Variants in GDAP1L1 observed in about 807,000 individuals in gnomAD.
GDAP1L1 encodes ganglioside induced differentiation associated protein 1 like 1, also known as ganglioside-induced differentiation-associated protein 1-like 1.
GDAP1L1 carries 21 observed loss-of-function variants against 37.1 expected under a neutral mutation model. That is an observed-to-expected ratio of 0.57 (90% CI 0.40 to 0.81). The LOEUF is 0.81. GDAP1L1 is among the 40% of genes least tolerant of loss of function. The pLI is 0.00. For missense variants in GDAP1L1, 362 were observed against 491.6 expected (o/e 0.74, Z 2.49); for synonymous variants, 193 against 209.1 (o/e 0.92, Z 0.67).
intron 1 of GDAP1L1, 57 bp from the exon 2 acceptor site, chr20:44,257,096 G>A: frequency 6.7e-7 from 1 of 1,491,564 alleles, no homozygotes; most frequent in Non-Finnish European, 8.9e-7. Flanking sequence ...CGCCCCACCT[G>A]GGCAGAGTGT....
At chr20:44,264,614 C>T (rs1351943124) in intron 5 of GDAP1L1, 55 bp downstream of exon 5, 1 of 1,583,534 alleles carries the variant, frequency 6.3e-7, no homozygotes, top group Admixed American at 1.8e-5. Flanking sequence ...CCTACTCTTC[C>T]CCTGCCCAGT....
At chr20:44,260,058 T>C (rs1042871760) in intron 3 of GDAP1L1, among the ~76,000 whole-genome samples, 1 of 152,166 alleles carries the variant, frequency 6.6e-6, no homozygotes, top group Non-Finnish European at 1.5e-5. Flanking sequence ...ACCCTGCAGT[T>C]ACACTTGAAC....
At chr20:44,278,695 TA>T (rs1600573290) in intron 5 of GDAP1L1, among the ~76,000 whole-genome samples, 1 of 151,932 alleles carries the variant, frequency 6.6e-6, no homozygotes, top group Non-Finnish European at 1.5e-5. Context: ...ATTTGCACTT[TA>T]AAAGTCAGCT....
At chr20:44,258,126 G>A (rs1180533397) in intron 2 of GDAP1L1, 3 of 716,666 alleles carry the variant, frequency 4.2e-6, no homozygotes, top group African/African-American at 3.5e-5. Context: ...TAAAAGTCAA[G>A]GGGACCCAAG....
At chr20:44,267,358 C>G (rs920895649) in intron 5 of GDAP1L1, among the ~76,000 whole-genome samples, 3 of 152,160 alleles carry the variant, frequency 2.0e-5, no homozygotes, top group African/African-American at 4.8e-5. Context: ...GCCTGTAACC[C>G]CAACACTTTG....
rs368711590 is a variant in GDAP1L1, at chr20:44,276,859, T to A, written c.761-2098T>A. On this transcript the variant is annotated intron_variant, in intron 5 of 5. Transcript: ENST00000342560. Reference sequence around the variant, plus strand: ...GTAGATGGTGCAATGTGGCGCTGTGTTCTATGGAGGAAAACAAAGCAGGAG... The same window carrying A: ...GTAGATGGTGCAATGTGGCGCTGTGATCTATGGAGGAAAACAAAGCAGGAG... Among the ~76,000 whole-genome samples the A allele has an allele frequency of 7.2e-5, 11 of 152,252 alleles. No homozygotes were observed. The East Asian group carries it at 1.9e-3, about 27-fold the overall frequency.
At chr20:44,276,598 T>A (rs1015919683) in intron 5 of GDAP1L1, among the ~76,000 whole-genome samples, 2 of 152,220 alleles carry the variant, frequency 1.3e-5, no homozygotes, top group African/African-American at 4.8e-5. Flanking sequence ...TTGTTATGTT[T>A]ACTTTTACCA....
chr20:44,272,656 G>A (rs2062531316), intron 5 of GDAP1L1, among the ~76,000 whole-genome samples: 1 of 152,104 alleles, frequency 6.6e-6, no homozygotes, highest in Admixed American at 6.6e-5. Flanking sequence ...TAGAGGAGAA[G>A]AGAGGAGAAC....
chr20:44,258,977 A>G (rs1272839198), intron 3 of GDAP1L1, among the ~76,000 whole-genome samples: 1 of 143,084 alleles, frequency 7.0e-6, no homozygotes, highest in Non-Finnish European at 1.5e-5. Context: ...CCCCCCCCAT[A>G]CACAGACTAT....
chr20:44,275,976 T>C (rs1445709917), intron 5 of GDAP1L1, among the ~76,000 whole-genome samples: 2 of 152,164 alleles, frequency 1.3e-5, no homozygotes, highest in Admixed American at 6.5e-5. Flanking sequence ...ATTAGTAAGA[T>C]GTTAGTGCTT....
At chr20:44,278,127 C>T (rs191994453) in intron 5 of GDAP1L1, among the ~76,000 whole-genome samples, 34 of 144,068 alleles carry the variant, frequency 2.4e-4, no homozygotes, top group African/African-American at 8.6e-4. Context: ...GCACTCCAGC[C>T]TGGGCAACAG....
intron 3 of GDAP1L1, among the ~76,000 whole-genome samples, chr20:44,261,680 G>A (rs1375319007): frequency 6.6e-6 from 1 of 152,206 alleles, no homozygotes; most frequent in East Asian, 1.9e-4. Context: ...AAGCCCAGGA[G>A]GGCTCTTTTC....
At position 44,264,442 on chromosome 20, in the gene GDAP1L1, C is replaced by G; in HGVS notation, c.646-3C>G. 12 of 1,488,798 alleles carry G rather than the reference C, an allele frequency of 8.1e-6. No individual in the cohort carries two copies. Among genetic ancestry groups the G allele is most frequent in the Non-Finnish European group, 9.8e-6 (11 of 1,119,596 alleles). 92.2% of individuals were successfully genotyped at this position (1,488,798 alleles called of 1,614,324 possible). On this transcript the variant is annotated splice_region_variant and splice_polypyrimidine_tract_variant and intron_variant, in intron 4 of 5. Transcript: ENST00000342560. ...GCTTCTCTTGGCCCTGTCCTGCCCC[C>G]AGGCCAAGATCTTGGAGCATGATGA... is the stretch of plus-strand genomic sequence containing the variant.
chr20:44,279,476 A>G lies in GDAP1L1; in HGVS notation c.*176A>G, dbSNP rs995111517. ...CGTAGTTTAGAAGTAGACGTTGCCA[A>G]TGCTGTGACTCAAGGCCACGGCTCT... On this transcript the variant is annotated 3_prime_UTR_variant, in exon 6 of 6. Transcript: ENST00000342560. 4.2e-6 allele frequency: 3 copies of G among 711,270 alleles called. No individual in the cohort carries two copies. Among genetic ancestry groups the G allele is most frequent in the Admixed American group, 2.0e-5 (1 of 49,620 alleles). The allele number at this position is 711,270 out of a possible 1,614,324, so 44.1% of individuals were successfully genotyped here. A position where few individuals can be genotyped will look rare whatever the true frequency, so the allele number is the denominator to read the frequency against.
chr20:44,264,794 T>C, intron 5 of GDAP1L1: 1 of 1,157,858 alleles, frequency 8.6e-7, no homozygotes, highest in Non-Finnish European at 1.1e-6. Flanking sequence ...AAAATGGGGA[T>C]AATAGTAGGA....
chr20:44,270,380 C>T (rs369401869), intron 5 of GDAP1L1, among the ~76,000 whole-genome samples: 10 of 151,968 alleles, frequency 6.6e-5, no homozygotes, highest in East Asian at 1.9e-4. Context: ...CCGTTTTAGC[C>T]GGGATGGTCT....
rs2062632321 is a variant in GDAP1L1, at chr20:44,280,896, A to G, written c.*1596A>G. ...ACATTAAATCAGGAGTATAATGTGT[A>G]GAATATAAGGCATGGTTTTACTTAT... On this transcript the variant is annotated 3_prime_UTR_variant, in exon 6 of 6. Transcript: ENST00000342560. 6.6e-6 allele frequency: 1 copy of G among 152,272 alleles called. No homozygotes were observed. Among genetic ancestry groups the G allele is most frequent in the Middle Eastern group, 3.2e-3 (1 of 316 alleles). The allele number at this position is 152,272 out of a possible 1,614,324, so 9.4% of individuals were successfully genotyped here. A position where few individuals can be genotyped will look rare whatever the true frequency, so the allele number is the denominator to read the frequency against.
chr20:44,261,196 G>C (rs1222394686), intron 3 of GDAP1L1, among the ~76,000 whole-genome samples: 1 of 152,252 alleles, frequency 6.6e-6, no homozygotes, highest in Non-Finnish European at 1.5e-5. Flanking sequence ...GTAGAAGCCA[G>C]CCTGCAGCGA....
chr20:44,278,881 G>A (rs2062612018), intron 5 of GDAP1L1, 76 bp from the exon 6 acceptor site: 1 of 920,722 alleles, frequency 1.1e-6, no homozygotes, highest in East Asian at 2.4e-5. Context: ...GCAGAAGCCA[G>A]TGGAGCTCAT....
Sources: gnomAD v4.1 joint callset for allele counts (sites outside exome capture counted in the v4.1 genomes callset) on GRCh38, gnomAD v4.1.1 for gene constraint, MANE v1.5 for transcripts, NCBI Gene and HGNC (gene_info 2026-07-23, HGNC 2026-07-21) for gene names.